The following CNBD1 variants were observed in gnomAD, a reference collection of about 807,000 sequenced individuals.
The protein encoded by CNBD1 is cyclic nucleotide-binding domain-containing protein 1.
Under a neutral mutation model 54.4 loss-of-function variants are expected in CNBD1, and 71 were observed. That is an observed-to-expected ratio of 1.30 (90% CI 1.08 to 1.59). The LOEUF (loss-of-function observed/expected upper bound fraction) is 1.59. Ranked by LOEUF, CNBD1 falls within the 40% of genes most tolerant of loss-of-function variation. The probability of loss-of-function intolerance (pLI) is 0.00; values close to 1 mark genes in which losing one functional copy is unlikely to be tolerated. For synonymous variants in CNBD1, 182 were observed against 170.7 expected (o/e 1.07, Z -0.51); for missense variants, 659 against 518.0 (o/e 1.27, Z -2.64).
intron 8 of CNBD1, among the ~76,000 whole-genome samples, chr8:87,303,610 T>G (rs1054885452): frequency 3.3e-5 from 5 of 151,474 alleles, no homozygotes; most frequent in African/African-American, 1.2e-4. Flanking sequence ...CAAAAAGCAA[T>G]GACAACAAAA....
At chr8:87,176,701 G>A (rs1813206446) in intron 4 of CNBD1, among the ~76,000 whole-genome samples, 2 of 149,978 alleles carry the variant, frequency 1.3e-5, no homozygotes, top group South Asian at 2.1e-4. Flanking sequence ...ATGTTGGCCA[G>A]GCTGCTCAAA....
At chr8:87,303,645 A>AG (rs1809072478) in intron 8 of CNBD1, among the ~76,000 whole-genome samples, 1 of 143,192 alleles carries the variant, frequency 7.0e-6, no homozygotes, top group East Asian at 1.9e-4. Context: ...ATGGGATCTA[A>AG]TTAACTAAAG....
intron 8 of CNBD1, among the ~76,000 whole-genome samples, chr8:87,299,036 A>C (rs1042411494): frequency 1.3e-5 from 2 of 152,214 alleles, no homozygotes; most frequent in Non-Finnish European, 2.9e-5. Flanking sequence ...TAAATGTGAA[A>C]ATAAATCTTC....
At position 87,380,273 on chromosome 8, in the gene CNBD1, T is replaced by A. The variant is rs575512922; in HGVS notation, c.1304-2347T>A. On this transcript the variant is annotated intron_variant, in intron 10 of 10. Transcript: ENST00000518476. ...AGTATACAGTTAGAAATGGACATGATAATACTTAAAAATAAGATCATTCTT... is the reference window on the plus strand; with the variant it reads ...AGTATACAGTTAGAAATGGACATGAAAATACTTAAAAATAAGATCATTCTT... Among the ~76,000 whole-genome samples, 39 of 152,118 alleles carry A rather than the reference T, an allele frequency of 2.6e-4. No individual in the cohort carries two copies. The South Asian group carries it at 7.9e-3, about 31-fold the overall frequency.
intron 8 of CNBD1, among the ~76,000 whole-genome samples, chr8:87,311,083 A>C (rs971635001): frequency 2.0e-5 from 3 of 152,000 alleles, no homozygotes; most frequent in African/African-American, 7.2e-5. Context: ...TTGCAACAAA[A>C]ACAAAAATTG....
chr8:86,946,840 C>T (rs1164151147), intron 4 of CNBD1, among the ~76,000 whole-genome samples: 1 of 152,162 alleles, frequency 6.6e-6, no homozygotes, highest in Non-Finnish European at 1.5e-5. Flanking sequence ...TTGCCTTCCT[C>T]ATGCAGTTAT....
chr8:86,982,457 G>A (rs1192327645), intron 4 of CNBD1, among the ~76,000 whole-genome samples: 1 of 152,190 alleles, frequency 6.6e-6, no homozygotes, highest in East Asian at 1.9e-4. Context: ...CATTTTAATT[G>A]GCTATTTAAC....
At chr8:87,342,409 G>A (rs1376522120) in intron 8 of CNBD1, among the ~76,000 whole-genome samples, 2 of 152,166 alleles carry the variant, frequency 1.3e-5, no homozygotes, top group South Asian at 2.1e-4. Context: ...TTTAATTAGA[G>A]TATATTTCTC....
At chr8:87,266,438 C>CTTTTTTTTTTT (rs72293236) in intron 6 of CNBD1, among the ~76,000 whole-genome samples, 11 of 50,130 alleles carry the variant, frequency 2.2e-4, no homozygotes, top group Non-Finnish European at 2.6e-4. Context: ...AAAAAAAAAT[C>CTTTTTTTTTTT]TTTTTTTTTT....
chr8:87,104,586 A>G (rs1022259490), intron 4 of CNBD1, among the ~76,000 whole-genome samples: 2 of 152,178 alleles, frequency 1.3e-5, no homozygotes, highest in Admixed American at 6.5e-5. Context: ...CCCATTTCCA[A>G]AGAAAAGAGG....
At chr8:87,341,896 G>A (rs367616551) in intron 8 of CNBD1, among the ~76,000 whole-genome samples, 10 of 151,400 alleles carry the variant, frequency 6.6e-5, no homozygotes, top group Middle Eastern at 3.4e-3. Context: ...ATAGCAGTAC[G>A]AAACAGACTA....
intron 5 of CNBD1, among the ~76,000 whole-genome samples, chr8:87,218,782 C>G (rs1814266227): frequency 1.3e-5 from 2 of 151,860 alleles, no homozygotes; most frequent in Admixed American, 1.3e-4. Flanking sequence ...AAAATTGTCC[C>G]TGTATCCAGC....
intron 4 of CNBD1, among the ~76,000 whole-genome samples, chr8:87,059,113 C>G (rs574487723): frequency 3.3e-5 from 5 of 152,298 alleles, no homozygotes; most frequent in East Asian, 1.9e-4. Flanking sequence ...CACCTTTGCT[C>G]TAGCTCCCAA....
chr8:86,878,484 G>A (rs1808558849), intron 1 of CNBD1, among the ~76,000 whole-genome samples: 1 of 151,552 alleles, frequency 6.6e-6, no homozygotes. Flanking sequence ...TAGTTATTTG[G>A]CCATGATCTA....
At chr8:87,424,450 C>A (rs564355316) in intron 2 of CNBD1, among the ~76,000 whole-genome samples, 2 of 152,084 alleles carry the variant, frequency 1.3e-5, no homozygotes, top group African/African-American at 2.4e-5. Context: ...GCTTTGAATG[C>A]GTCCCAGAGA....
chr8:87,256,015 A>ATATATATTTTT (rs1563526157), intron 6 of CNBD1, among the ~76,000 whole-genome samples: 2 of 15,782 alleles, frequency 1.3e-4, no homozygotes, highest in African/African-American at 5.6e-4. Flanking sequence ...ATATATATAT[A>ATATATATTTTT]TTTTTTTTTT....
At chr8:86,981,311 G>T (rs1401956508) in intron 4 of CNBD1, among the ~76,000 whole-genome samples, 3 of 152,052 alleles carry the variant, frequency 2.0e-5, no homozygotes, top group Non-Finnish European at 2.9e-5. Flanking sequence ...GTCCTCTATG[G>T]CCTTCATTTG....
At chr8:87,005,586 T>A (rs922094812) in intron 4 of CNBD1, among the ~76,000 whole-genome samples, 1 of 151,878 alleles carries the variant, frequency 6.6e-6, no homozygotes. Flanking sequence ...TTAAGAAATA[T>A]ATATATTTCT....
intron 6 of CNBD1, among the ~76,000 whole-genome samples, chr8:87,243,703 G>C (rs900286631): frequency 6.6e-6 from 1 of 152,008 alleles, no homozygotes; most frequent in Non-Finnish European, 1.5e-5. Flanking sequence ...AGAAAAATAA[G>C]TTTTCAATTT....
Sources: gnomAD v4.1 joint callset for allele counts (sites outside exome capture counted in the v4.1 genomes callset) on GRCh38, gnomAD v4.1.1 for gene constraint, MANE v1.5 for transcripts, NCBI Gene and HGNC (gene_info 2026-07-23, HGNC 2026-07-21) for gene names.